SLC35F1: variants seen among roughly 807,000 people sequenced by gnomAD.
SLC35F1 encodes the protein solute carrier family 35 member F1.
In SLC35F1, 14 loss-of-function variants were observed where a neutral mutation model predicts 48.7. That is an observed-to-expected ratio of 0.29 (90% CI 0.19 to 0.45). The LOEUF (loss-of-function observed/expected upper bound fraction) is 0.45. SLC35F1 is among the 20% of genes least tolerant of loss of function. The pLI is 1.00. For missense variants in SLC35F1, 404 were observed against 500.0 expected (o/e 0.81, Z 1.83); for synonymous variants, 190 against 202.2 (o/e 0.94, Z 0.51).
rs138564039 is a variant in SLC35F1 at position 118,045,754 on chromosome 6, G to C, written c.174-108691G>C. Among the ~76,000 whole-genome samples, 395 of 152,310 alleles carry C rather than the reference G, an allele frequency of 2.6e-3. 1 individual carries two copies. Among genetic ancestry groups the C allele is most frequent in the African/African-American group, 9.1e-3 (379 of 41,570 alleles). On this transcript the variant is annotated intron_variant, in intron 1 of 7. Transcript: ENST00000360388. ...TTTATACTTGCTTTTAGATGACGCT[G>C]ATGAAGTTATTATAGTGAGTCTTAT... is the stretch of plus-strand genomic sequence containing the variant.
At position 118,235,254 on chromosome 6, in the gene SLC35F1, G is replaced by A. The variant is rs1775347144; in HGVS notation, c.350-255G>A. On this transcript the variant is annotated intron_variant, in intron 2 of 7. Coordinates refer to ENST00000360388, the MANE Select transcript of SLC35F1 (RefSeq NM_001029858.4). ...CTTCATTTATTCACACACAAAAGATGTTTTGCATGGTAAGCTTATAACCTG... is the reference window on the plus strand; with the variant it reads ...CTTCATTTATTCACACACAAAAGATATTTTGCATGGTAAGCTTATAACCTG... Among the ~76,000 whole-genome samples, 4 of 152,158 alleles carry A rather than the reference G, an allele frequency of 2.6e-5. No homozygotes were observed. The South Asian group carries it at 8.3e-4, about 32-fold the overall frequency.
intron 1 of SLC35F1, among the ~76,000 whole-genome samples, chr6:118,131,343 C>T (rs2501521): frequency 0.98 from 148,988 of 152,274 alleles, 72,977 homozygotes; most frequent in Middle Eastern, 1. Flanking sequence ...CAGCATTATA[C>T]TTTAAGCATT....
Position 118,299,102 on chromosome 6 carries a change from G to C in SLC35F1, c.1002+13764G>C, listed in dbSNP as rs1162767439. On this transcript the variant is annotated intron_variant, in intron 7 of 7. Transcript: ENST00000360388. ...ATGCTAAGGTGGGAGGATCACTACA[G>C]CCTGGGGGGTCGAGGCTGCAGTGAG... Among the ~76,000 whole-genome samples the C allele has an allele frequency of 2.0e-5, 3 of 152,110 alleles. No individual in the cohort carries two copies. The East Asian group carries it at 5.8e-4, about 29-fold the overall frequency.
chr6:118,244,097 T>C (rs1775475989), intron 3 of SLC35F1, among the ~76,000 whole-genome samples: 1 of 152,244 alleles, frequency 6.6e-6, no homozygotes, highest in Admixed American at 6.5e-5. Flanking sequence ...TGTCCTGATA[T>C]GGGGCATAAA....
intron 1 of SLC35F1, among the ~76,000 whole-genome samples, chr6:117,991,444 G>A (rs995729659): frequency 6.6e-6 from 1 of 152,026 alleles, no homozygotes; most frequent in African/African-American, 2.4e-5. Context: ...AATAAATTTT[G>A]TAATTAAATT....
At chr6:118,078,104 A>T (rs970511662) in intron 1 of SLC35F1, among the ~76,000 whole-genome samples, 6 of 152,192 alleles carry the variant, frequency 3.9e-5, no homozygotes, top group African/African-American at 1.4e-4. Flanking sequence ...CCTCAAATGC[A>T]TAACACAGTT....
chr6:118,264,277 C>T (rs1316228563), intron 3 of SLC35F1, among the ~76,000 whole-genome samples: 1 of 152,204 alleles, frequency 6.6e-6, no homozygotes, highest in Non-Finnish European at 1.5e-5. Flanking sequence ...AATGTCCCTT[C>T]TGACAGTCAG....
At chr6:118,115,084 A>G (rs1773458997) in intron 1 of SLC35F1, among the ~76,000 whole-genome samples, 1 of 152,152 alleles carries the variant, frequency 6.6e-6, no homozygotes, top group Non-Finnish European at 1.5e-5. Context: ...CAGAGACACA[A>G]CTTTGTTTCA....
At chr6:118,085,788 A>C (rs2114331514) in intron 1 of SLC35F1, among the ~76,000 whole-genome samples, 1 of 152,230 alleles carries the variant, frequency 6.6e-6, no homozygotes, top group South Asian at 2.1e-4. Flanking sequence ...TTCAAACATA[A>C]GTTGAGTTAC....
chr6:117,907,812 T>C lies in SLC35F1; in HGVS notation c.86T>C (p.Leu29Pro). 6.5e-7 allele frequency: 1 copy of C among 1,549,964 alleles called. No individual in the cohort carries two copies. The highest frequency in any genetic ancestry group is 1.9e-4 in the Middle Eastern group (1 of 5,268). ...CATGTGGTGACCACCATCGAGAACC[T>C]GCCGGCCGAGGGCAGCGGCGGCGGC... ...PNHVVTTIEN[L>P]PAEGSGGGGS... The change falls in exon 1 of 8, where the codon CTG (leucine) becomes CCG (proline). Residue 29 changes from leucine (L) to proline (P), a missense_variant. Coordinates refer to ENST00000360388, the MANE Select transcript of SLC35F1 (RefSeq NM_001029858.4).
At chr6:118,229,086 G>C (rs1408662753) in intron 2 of SLC35F1, among the ~76,000 whole-genome samples, 1 of 151,766 alleles carries the variant, frequency 6.6e-6, no homozygotes, top group Non-Finnish European at 1.5e-5. Context: ...GATGTGGACT[G>C]TGTTTCAGCC....
At chr6:118,133,059 G>A (rs960232356) in intron 1 of SLC35F1, among the ~76,000 whole-genome samples, 1 of 152,132 alleles carries the variant, frequency 6.6e-6, no homozygotes, top group Non-Finnish European at 1.5e-5. Context: ...TGTGAGATGT[G>A]TCTGGAAAGG....
In SLC35F1 at chr6:118,238,086, A is replaced by G. The variant is rs1030975097; in HGVS notation, c.477+2450A>G. On this transcript the variant is annotated intron_variant, in intron 3 of 7. Transcript: ENST00000360388. Reference sequence around the variant, plus strand: ...GAATATTTCCCACTACAGATGTCCCATAAACACCTATGTTTCTCTCTCTTA... The same window carrying G: ...GAATATTTCCCACTACAGATGTCCCGTAAACACCTATGTTTCTCTCTCTTA... Among the ~76,000 whole-genome samples the G allele has an allele frequency of 4.6e-5, 7 of 152,256 alleles. No homozygotes were observed. In the East Asian group the frequency reaches 1.2e-3, roughly 25 times the overall value.
At chr6:118,308,926 A>G (rs1237358159) in intron 7 of SLC35F1, among the ~76,000 whole-genome samples, 1 of 152,180 alleles carries the variant, frequency 6.6e-6, no homozygotes, top group African/African-American at 2.4e-5. Context: ...AAGTTTAACA[A>G]TAATAGCACC....
intron 1 of SLC35F1, among the ~76,000 whole-genome samples, chr6:117,917,978 T>A (rs1192666313): frequency 6.6e-6 from 1 of 151,782 alleles, no homozygotes; most frequent in South Asian, 2.1e-4. Flanking sequence ...AGAGAGAAGA[T>A]GTTTCCAGAA....
At chr6:118,230,209 A>C (rs892880414) in intron 2 of SLC35F1, among the ~76,000 whole-genome samples, 2 of 152,058 alleles carry the variant, frequency 1.3e-5, no homozygotes, top group East Asian at 3.9e-4. Context: ...GCATAGTGGC[A>C]CGTGCCTGTA....
At chr6:118,128,253 C>T (rs1220850551) in intron 1 of SLC35F1, among the ~76,000 whole-genome samples, 3 of 145,778 alleles carry the variant, frequency 2.1e-5, no homozygotes, top group South Asian at 2.3e-4. Flanking sequence ...ATCAGTGTGG[C>T]GATTCCTCAG....
At chr6:117,993,785 A>G (rs1022217120) in intron 1 of SLC35F1, among the ~76,000 whole-genome samples, 1 of 152,184 alleles carries the variant, frequency 6.6e-6, no homozygotes, top group Non-Finnish European at 1.5e-5. Flanking sequence ...TCCATGACAT[A>G]TCCTCAATTC....
intron 1 of SLC35F1, among the ~76,000 whole-genome samples, chr6:118,040,942 G>T (rs1743703167): frequency 6.6e-6 from 1 of 151,824 alleles, no homozygotes; most frequent in African/African-American, 2.4e-5. Context: ...TAACCAGTTA[G>T]GTTTATTTTA....
Sources: gnomAD v4.1 joint callset for allele counts (sites outside exome capture counted in the v4.1 genomes callset) on GRCh38, gnomAD v4.1.1 for gene constraint, MANE v1.5 for transcripts, NCBI Gene and HGNC (gene_info 2026-07-23, HGNC 2026-07-21) for gene names.